Variants in PPP6R2 observed in about 807,000 individuals in gnomAD.
PPP6R2 encodes protein phosphatase 6 regulatory subunit 2.
Under a neutral mutation model 100.2 loss-of-function variants are expected in PPP6R2, and 62 were observed. The ratio of observed to expected loss-of-function variants is 0.62; its 90% CI spans 0.50 to 0.76. The LOEUF (loss-of-function observed/expected upper bound fraction) is 0.76. Ranked by LOEUF, PPP6R2 falls within the 30% of genes least tolerant of loss-of-function variation. The pLI is 0.00. For synonymous variants in PPP6R2, 525 were observed against 514.7 expected, an observed-to-expected ratio of 1.02 and a Z score of -0.27; for missense variants, 1,142 against 1,276.3, an observed-to-expected ratio of 0.89 and a Z score of 1.60.
At chr22:50,440,702 T>C (rs2148404248) in intron 21 of PPP6R2, 120 bp from the exon 22 acceptor site, 1 of 1,146,340 alleles carries the variant, frequency 8.7e-7, no homozygotes, top group Non-Finnish European at 1.3e-6. Flanking sequence ...CACAGGCACA[T>C]GTGTGCAGGC....
At chr22:50,412,415 C>T (rs2059876780) in intron 4 of PPP6R2, among the ~76,000 whole-genome samples, 1 of 151,844 alleles carries the variant, frequency 6.6e-6, no homozygotes, top group African/African-American at 2.4e-5. Context: ...CTCCTGAGAT[C>T]AAGTGATCCG....
intron 4 of PPP6R2, among the ~76,000 whole-genome samples, chr22:50,408,207 CTT>C (rs1478235818): frequency 6.6e-6 from 1 of 152,136 alleles, no homozygotes; most frequent in Non-Finnish European, 1.5e-5. Flanking sequence ...AAAATAAAGA[CTT>C]TTTTCTTTTA....
chr22:50,409,234 C>G (rs2059403568), intron 4 of PPP6R2, among the ~76,000 whole-genome samples: 1 of 152,210 alleles, frequency 6.6e-6, no homozygotes, highest in African/African-American at 2.4e-5. Context: ...AAATGACCGT[C>G]CGCATTTTCC....
intron 1 of PPP6R2, among the ~76,000 whole-genome samples, chr22:50,354,731 CAG>C (rs2046077739): frequency 6.6e-6 from 1 of 151,576 alleles, no homozygotes; most frequent in African/African-American, 2.4e-5. Flanking sequence ...GAGGCTGAGG[CAG>C]GGGTTGCAGT....
rs1424986852 is a variant in PPP6R2 at position 50,444,571 on chromosome 22, G to A, written c.*324G>A. 1.2e-5 allele frequency: 4 copies of A among 345,066 alleles called. No homozygotes were observed. Among genetic ancestry groups the A allele is most frequent in the African/African-American group, 2.2e-5 (1 of 45,336 alleles). The allele number at this position is 345,066 out of a possible 1,614,324, so 21.4% of individuals were successfully genotyped here. On this transcript the variant is annotated 3_prime_UTR_variant, in exon 24 of 24. Coordinates refer to ENST00000612753, the MANE Select transcript of PPP6R2 (RefSeq NM_001242898.2). ...GGGGCAGGACCCTGAGATGCCACCAGGACCTGATGGGCCAGGAAGGGCGTG... is the reference window on the plus strand; with the variant it reads ...GGGGCAGGACCCTGAGATGCCACCAAGACCTGATGGGCCAGGAAGGGCGTG...
intron 2 of PPP6R2, among the ~76,000 whole-genome samples, chr22:50,382,418 G>GA (rs1195574375): frequency 6.6e-6 from 1 of 150,954 alleles, no homozygotes; most frequent in Non-Finnish European, 1.5e-5. Flanking sequence ...CTAACATGGT[G>GA]AAACCCCGTC....
At chr22:50,419,614 A>T in intron 8 of PPP6R2, 152 bp downstream of exon 8, 1 of 641,150 alleles carries the variant, frequency 1.6e-6, no homozygotes, top group South Asian at 1.8e-5. Context: ...TGAAGGCTTG[A>T]CTTTATGGCT....
At chr22:50,335,650 T>C in the PPP6R2 span, among the ~76,000 whole-genome samples, 1 of 150,450 alleles carries the variant, frequency 6.6e-6, no homozygotes, top group Admixed American at 6.7e-5. Flanking sequence ...TAGGTGAGAC[T>C]ACAGGTGCGC....
intron 1 of PPP6R2, among the ~76,000 whole-genome samples, chr22:50,359,033 C>T (rs2047222503): frequency 7.9e-6 from 1 of 126,480 alleles, no homozygotes; most frequent in Non-Finnish European, 1.6e-5. Flanking sequence ...CGGAGTCTCA[C>T]CCTATTGCCA....
At chr22:50,331,478 G>A in the PPP6R2 span, among the ~76,000 whole-genome samples, 651 of 152,226 alleles carry the variant, frequency 4.3e-3, 4 homozygotes, top group African/African-American at 0.015. Context: ...CCAGCCGTTC[G>A]AGGGGGTCTG....
chr22:50,333,232 T>C, the PPP6R2 span, among the ~76,000 whole-genome samples: 1 of 152,232 alleles, frequency 6.6e-6, no homozygotes, highest in African/African-American at 2.4e-5. Flanking sequence ...TCTGTTCCCT[T>C]GATCTATATG....
chr22:50,356,533 T>C (rs2046627714), intron 1 of PPP6R2, among the ~76,000 whole-genome samples: 1 of 152,134 alleles, frequency 6.6e-6, no homozygotes, highest in Non-Finnish European at 1.5e-5. Flanking sequence ...TGAAAATTCT[T>C]ACATTAATAC....
the PPP6R2 span, among the ~76,000 whole-genome samples, chr22:50,338,067 GTGTGGTGTGTGTGA>G: frequency 6.8e-6 from 1 of 147,620 alleles, no homozygotes; most frequent in African/African-American, 2.5e-5. Flanking sequence ...TGTGTGGTGT[GTGTGGTGTGTGTGA>G]TGTGTAGTGT....
At chr22:50,400,742 A>G (rs941318781) in intron 3 of PPP6R2, among the ~76,000 whole-genome samples, 3 of 152,220 alleles carry the variant, frequency 2.0e-5, no homozygotes, top group African/African-American at 7.2e-5. Flanking sequence ...AAAGTTGTAT[A>G]AGTAAGCAAA....
intron 3 of PPP6R2, among the ~76,000 whole-genome samples, chr22:50,405,574 C>G (rs1421688724): frequency 1.5e-5 from 1 of 64,646 alleles, no homozygotes; most frequent in Non-Finnish European, 3.0e-5. Context: ...GCCTGGCAGG[C>G]GAGTGTGAAG....
At chr22:50,386,147 G>A (rs2054213367) in intron 2 of PPP6R2, among the ~76,000 whole-genome samples, 1 of 142,990 alleles carries the variant, frequency 7.0e-6, no homozygotes, top group South Asian at 2.3e-4. Context: ...GTTTTGTTTT[G>A]TTTTGTTTTT....
At chr22:50,347,339 G>T (rs2044010704) in intron 1 of PPP6R2, among the ~76,000 whole-genome samples, 1 of 151,930 alleles carries the variant, frequency 6.6e-6, no homozygotes, top group Non-Finnish European at 1.5e-5. Context: ...CACCCCTCTT[G>T]TCCAATCACT....
At chr22:50,354,479 T>A (rs1156363924) in intron 1 of PPP6R2, among the ~76,000 whole-genome samples, 1 of 152,098 alleles carries the variant, frequency 6.6e-6, no homozygotes, top group East Asian at 1.9e-4. Flanking sequence ...GAGTGCTTTT[T>A]TTATTTTTAT....
chr22:50,443,808 G>A (rs9617006), intron 22 of PPP6R2, 58 bp from the exon 23 acceptor site: 1 of 1,513,006 alleles, frequency 6.6e-7, no homozygotes, highest in East Asian at 2.5e-5. Flanking sequence ...TTGGGCATGA[G>A]GCGGGGTGGC....
Sources: allele counts gnomAD v4.1 joint callset (sites outside exome capture counted in the v4.1 genomes callset), GRCh38; gene constraint gnomAD v4.1.1; transcripts MANE v1.5; gene names NCBI Gene and HGNC (gene_info 2026-07-23, HGNC 2026-07-21).